PEX7: variants seen among roughly 807,000 people sequenced by gnomAD.
PEX7 encodes PTS2 receptor.
A neutral mutation model predicts 47.5 loss-of-function variants in PEX7; 34 were observed. The ratio of observed to expected loss-of-function variants is 0.72; its 90% CI spans 0.54 to 0.95. The LOEUF (loss-of-function observed/expected upper bound fraction) is 0.95. Ranked by LOEUF, PEX7 falls within the 40% of genes least tolerant of loss-of-function variation. The pLI is 0.00. For synonymous variants in PEX7, 141 were observed against 148.8 expected, an observed-to-expected ratio of 0.95 and a Z score of 0.38; for missense variants, 394 against 400.3, an observed-to-expected ratio of 0.98 and a Z score of 0.13.
At chr6:136,887,059 CAAAA>C (rs796560215) in intron 8 of PEX7, among the ~76,000 whole-genome samples, 3 of 151,538 alleles carry the variant, frequency 2.0e-5, no homozygotes, top group African/African-American at 7.3e-5. Flanking sequence ...AAAAAACAAA[CAAAA>C]AAAACCTGTT....
chr6:136,906,498 ATG>A (rs558844880), intron 9 of PEX7, among the ~76,000 whole-genome samples: 19 of 150,482 alleles, frequency 1.3e-4, no homozygotes, highest in African/African-American at 2.7e-4. Context: ...GTGTGTGTGC[ATG>A]TGTGTGTGTG....
chr6:136,906,788 C>T lies in PEX7; in HGVS notation c.904-6670C>T, dbSNP rs1775852348. On this transcript the variant is annotated intron_variant, in intron 9 of 9. Coordinates refer to ENST00000318471, the MANE Select transcript of PEX7 (RefSeq NM_000288.4). ...CTGTGATGCTTTTAAACCACTCTGA[C>T]CATTAACCTCTTGCCATACTATTAA... Among the ~76,000 whole-genome samples, 3 of 152,166 alleles carry T rather than the reference C, an allele frequency of 2.0e-5. No homozygotes were observed. In the South Asian group the frequency reaches 6.2e-4, roughly 31 times the overall value.
At position 136,892,224 on chromosome 6, in the gene PEX7, G is replaced by A. The variant is rs934274387; in HGVS notation, c.804-5918G>A. On this transcript the variant is annotated intron_variant, in intron 8 of 9. Transcript: ENST00000318471. The stretch of plus-strand genomic sequence containing the variant: ...TTTTTATTGTAAGTGGCTGACTAAT[G>A]GACTCTTGGCATGGGCTTTGGCTTA... Among the ~76,000 whole-genome samples the A allele has an allele frequency of 2.0e-5, 3 of 152,182 alleles. No individual in the cohort carries two copies. The East Asian group carries it at 5.8e-4, about 29-fold the overall frequency.
chr6:136,829,542 G>T (rs1326643702), intron 3 of PEX7, among the ~76,000 whole-genome samples: 2 of 152,144 alleles, frequency 1.3e-5, no homozygotes, highest in Non-Finnish European at 2.9e-5. Flanking sequence ...GTTTTGTGGG[G>T]ATATATTCAG....
chr6:136,823,140 G>T (rs1415787142), intron 1 of PEX7: 1 of 985,310 alleles, frequency 1.0e-6, no homozygotes, highest in Non-Finnish European at 1.2e-6. Context: ...CGGTCCCTTG[G>T]ATCGGTCCGC....
chr6:136,900,587 T>C lies in PEX7; in HGVS notation c.903+2346T>C. 1 of 383,846 alleles carries C rather than the reference T, an allele frequency of 2.6e-6. No individual in the cohort carries two copies. Among genetic ancestry groups the C allele is most frequent in the Non-Finnish European group, 5.1e-6 (1 of 195,584 alleles). The allele number at this position is 383,846 out of a possible 1,614,324, so 23.8% of individuals were successfully genotyped here. A position where few individuals can be genotyped will look rare whatever the true frequency, so the allele number is the denominator to read the frequency against. On this transcript the variant is annotated intron_variant, in intron 9 of 9. Transcript: ENST00000318471. The surrounding 1 kb of genome is among the most constrained non-coding windows in gnomAD (Gnocchi z 4.2). ...TGTGTGAAGGTGATGGTGGTGTGGG[T>C]CATCCTGTGAACCAGTCTTGCCTTT...
intron 5 of PEX7, among the ~76,000 whole-genome samples, chr6:136,857,184 C>T (rs1002250431): frequency 5.9e-5 from 9 of 152,200 alleles, no homozygotes; most frequent in Non-Finnish European, 1.3e-4. Context: ...GGCTGTGTAC[C>T]ATGCGTTTGT....
chr6:136,834,274 C>G (rs1229375715), intron 3 of PEX7, among the ~76,000 whole-genome samples: 7 of 152,202 alleles, frequency 4.6e-5, no homozygotes, highest in African/African-American at 1.7e-4. Context: ...TCACTGCAAC[C>G]TCTGACTCCT....
intron 9 of PEX7, among the ~76,000 whole-genome samples, chr6:136,899,817 G>A (rs1039100295): frequency 1.3e-5 from 2 of 152,334 alleles, no homozygotes; most frequent in African/African-American, 4.8e-5. Context: ...AAATAGTGAT[G>A]AGTGAAATGG....
At chr6:136,860,909 G>A (rs948851632) in intron 5 of PEX7, among the ~76,000 whole-genome samples, 1 of 152,040 alleles carries the variant, frequency 6.6e-6, no homozygotes, top group South Asian at 2.1e-4. Flanking sequence ...CCCACCCCAG[G>A]TGACCACTGT....
At chr6:136,907,616 G>A (rs906577335) in intron 9 of PEX7, among the ~76,000 whole-genome samples, 3 of 151,632 alleles carry the variant, frequency 2.0e-5, no homozygotes, top group Non-Finnish European at 4.4e-5. Flanking sequence ...AATTGTCCAC[G>A]AAATAGAGAA....
At chr6:136,823,707 A>G (rs1334682791) in intron 1 of PEX7, among the ~76,000 whole-genome samples, 4 of 152,198 alleles carry the variant, frequency 2.6e-5, no homozygotes, top group African/African-American at 4.8e-5. Context: ...CCTGACCAAC[A>G]TGGAGAAACC....
At position 136,888,491 on chromosome 6, in the gene PEX7, C is replaced by G. The variant is rs535801743; in HGVS notation, c.804-9651C>G. Among the ~76,000 whole-genome samples, 8 of 152,240 alleles carry G rather than the reference C, an allele frequency of 5.3e-5. No individual in the cohort carries two copies. In the South Asian group the frequency reaches 1.7e-3, roughly 32 times the overall value. ...GCTTTGTGAGATGGGTTCACCACACCTCACCAATAACTTTAGAAAAGCATC... is the reference window on the plus strand; with the variant it reads ...GCTTTGTGAGATGGGTTCACCACACGTCACCAATAACTTTAGAAAAGCATC... On this transcript the variant is annotated intron_variant, in intron 8 of 9. Transcript: ENST00000318471.
chr6:136,904,381 CT>C (rs1164764485), intron 9 of PEX7, among the ~76,000 whole-genome samples: 1 of 152,138 alleles, frequency 6.6e-6, no homozygotes, highest in African/African-American at 2.4e-5. Flanking sequence ...TATCAGTGTG[CT>C]CCTTAGATGG....
intron 6 of PEX7, among the ~76,000 whole-genome samples, chr6:136,869,660 C>T (rs1046331467): frequency 6.6e-6 from 1 of 152,172 alleles, no homozygotes; most frequent in African/African-American, 2.4e-5. Flanking sequence ...TGTAGTGTTC[C>T]ATCGTGTACA....
chr6:136,862,032 T>TA lies in PEX7; in HGVS notation c.527-4595_527-4594insA, dbSNP rs1281086293. On this transcript the variant is annotated intron_variant, in intron 5 of 9. Transcript: ENST00000318471. ...TTTTTTCTGTATTTATATATATATA[T>TA]TTTATATATATTATATATATATATA... Among the ~76,000 whole-genome samples, 254 of 144,030 alleles carry TA rather than the reference T, an allele frequency of 1.8e-3. 6 individuals are homozygous for TA. The East Asian group carries it at 0.032, about 18-fold the overall frequency. 94.5% of individuals were successfully genotyped at this position (144,030 alleles called of 152,430 possible). A position where few individuals can be genotyped will look rare whatever the true frequency, so the allele number is the denominator to read the frequency against.
At chr6:136,882,692 G>A (rs144501537) in intron 8 of PEX7, among the ~76,000 whole-genome samples, 2 of 152,000 alleles carry the variant, frequency 1.3e-5, no homozygotes, top group South Asian at 2.1e-4. Context: ...TTGATCCCTC[G>A]TACTTGTTTT....
At chr6:136,872,919 T>G (rs1325903144) in intron 8 of PEX7, among the ~76,000 whole-genome samples, 2 of 152,182 alleles carry the variant, frequency 1.3e-5, no homozygotes, top group Admixed American at 1.3e-4. Flanking sequence ...ACAATCTTAC[T>G]AATTAGAGCT....
chr6:136,828,073 A>G (rs547046342), intron 3 of PEX7, among the ~76,000 whole-genome samples: 1 of 152,032 alleles, frequency 6.6e-6, no homozygotes, highest in South Asian at 2.1e-4. Flanking sequence ...GATAACTGAC[A>G]TCATAAAATA....
Sources: allele counts gnomAD v4.1 joint callset (sites outside exome capture counted in the v4.1 genomes callset), GRCh38; gene constraint gnomAD v4.1.1; non-coding constraint Gnocchi (gnomAD v3.1); transcripts MANE v1.5; gene names NCBI Gene and HGNC (gene_info 2026-07-23, HGNC 2026-07-21).